The following TGFBI variants were observed in gnomAD, a reference collection of about 807,000 sequenced individuals.
The protein encoded by TGFBI is transforming growth factor beta induced.
TGFBI carries 50 observed loss-of-function variants against 73.7 expected under a neutral mutation model. The observed-to-expected ratio is 0.68, with a 90% confidence interval of 0.54 to 0.86. The LOEUF is 0.86. Ranked by LOEUF, TGFBI falls within the 40% of genes least tolerant of loss-of-function variation. The probability of loss-of-function intolerance (pLI) is 0.00; values close to 1 mark genes in which losing one functional copy is unlikely to be tolerated. For synonymous variants in TGFBI, 362 were observed against 360.5 expected, an observed-to-expected ratio of 1.00 and a Z score of -0.05; for missense variants, 839 against 877.0, an observed-to-expected ratio of 0.96 and a Z score of 0.55.
intron 14 of TGFBI, chr5:136,061,206 G>T (rs750268973): frequency 2.1e-5 from 12 of 574,218 alleles, no homozygotes; most frequent in African/African-American, 1.5e-4. Context: ...TATTCGCGTG[G>T]ATGCTGTCCG....
chr5:136,040,094 G>A (rs1213461052), intron 2 of TGFBI, among the ~76,000 whole-genome samples: 2 of 152,140 alleles, frequency 1.3e-5, no homozygotes, highest in African/African-American at 2.4e-5. Context: ...GAAGTGCAGT[G>A]GTTGTTTTAA....
intron 10 of TGFBI, 103 bp downstream of exon 10, chr5:136,054,964 A>G: frequency 2.2e-6 from 3 of 1,368,110 alleles, no homozygotes; most frequent in African/African-American, 2.9e-5. Context: ...TTGCATGAGA[A>G]CTGGTTGCTG....
intron 2 of TGFBI, among the ~76,000 whole-genome samples, chr5:136,041,852 C>A (rs1751344695): frequency 1.3e-5 from 2 of 152,150 alleles, no homozygotes; most frequent in Non-Finnish European, 2.9e-5. Flanking sequence ...CCTGGTGAGG[C>A]CACTTGAGCT....
intron 3 of TGFBI, chr5:136,046,029 C>CCAGTGTCCTAATTA: frequency 4.0e-6 from 1 of 249,396 alleles, no homozygotes; most frequent in Non-Finnish European, 7.6e-6. Context: ...ATATCTGTTT[C>CCAGTGTCCTAATTA]CAGTGTCCAT....
chr5:136,039,595 G>A (rs145862660), intron 2 of TGFBI, among the ~76,000 whole-genome samples: 29 of 152,306 alleles, frequency 1.9e-4, no homozygotes, highest in Admixed American at 1.6e-3. Flanking sequence ...CCCCAAGACC[G>A]CTCATCAGAC....
At chr5:136,046,591 C>T (rs930582755) in intron 4 of TGFBI, 96 bp downstream of exon 4, 1 of 1,416,300 alleles carries the variant, frequency 7.1e-7, no homozygotes, top group Non-Finnish European at 9.4e-7. Flanking sequence ...CAGTCATTTC[C>T]TACTGTTTCA....
intron 2 of TGFBI, among the ~76,000 whole-genome samples, chr5:136,035,138 G>C (rs539355939): frequency 6.6e-6 from 1 of 152,314 alleles, no homozygotes; most frequent in East Asian, 1.9e-4. Context: ...CCTGTCCAGG[G>C]CAGGTCCATG....
In TGFBI at chr5:136,055,800, G is replaced by C; in HGVS notation, c.1531G>C (p.Gly511Arg). 6.2e-7 allele frequency: 1 copy of C among 1,609,286 alleles called. No homozygotes were observed. Among genetic ancestry groups the C allele is most frequent in the Non-Finnish European group, 8.5e-7 (1 of 1,176,420 alleles). The stretch of plus-strand genomic sequence containing the variant: ...GGGGACTGTCATGGATGTCCTGAAG[G>C]GAGACAATCGCTTTAGGTAATTAGT... ...PMGTVMDVLK[G>R]DNRFSMLVAA... Residue 511 changes from glycine to arginine, a missense_variant, in exon 11 of 17, where the codon GGA (glycine) becomes CGA (arginine). Physicochemically the swap from Gly to Arg is moderately radical, Grantham distance 125. Transcript: ENST00000442011.
intron 6 of TGFBI, chr5:136,048,410 C>T (rs192657782): frequency 1.3e-5 from 2 of 152,412 alleles, no homozygotes; most frequent in African/African-American, 2.4e-5. Context: ...CTTCTTATAA[C>T]ACATACTTAC....
intron 1 of TGFBI, among the ~76,000 whole-genome samples, chr5:136,029,403 C>T (rs1316532862): frequency 6.6e-6 from 1 of 152,172 alleles, no homozygotes; most frequent in East Asian, 1.9e-4. Flanking sequence ...GGGAGGCCGC[C>T]GCTTTGTAGA....
At chr5:136,061,268 G>T (rs1751742985) in intron 14 of TGFBI, 3 of 587,454 alleles carry the variant, frequency 5.1e-6, no homozygotes, top group South Asian at 2.0e-5. Context: ...TATGTTCCTT[G>T]CCTCCAGTGC....
rs891823703 is a variant in TGFBI at position 136,041,509 on chromosome 5, T to C, written c.234-2549T>C. On this transcript the variant is annotated intron_variant, in intron 2 of 16. Transcript: ENST00000442011. Reference sequence around the variant, plus strand: ...TGTCAGACTTTCCAAATCTGTCTGCTATCCTCCAAACGTGCATTTTCAAGA... The same window carrying C: ...TGTCAGACTTTCCAAATCTGTCTGCCATCCTCCAAACGTGCATTTTCAAGA... 3.9e-5 allele frequency among the ~76,000 whole-genome samples: 6 copies of C among 152,336 alleles called. No homozygotes were observed. In the South Asian group the frequency reaches 1.0e-3, roughly 26 times the overall value.
At position 136,053,410 on chromosome 5, in the gene TGFBI, G is replaced by A. The variant is rs77731971; in HGVS notation, c.1126+291G>A. The stretch of plus-strand genomic sequence containing the variant: ...CTGCCTGCTGTGCATGGGCAAAGAG[G>A]GCCACTTGCTGACCTCAGAGCATGT... On this transcript the variant is annotated intron_variant, in intron 8 of 16. Coordinates refer to ENST00000442011, the MANE Select transcript of TGFBI (RefSeq NM_000358.3). Among the ~76,000 whole-genome samples, 511 of 152,296 alleles carry A rather than the reference G, an allele frequency of 3.4e-3. 4 individuals carry two copies. The highest frequency in any genetic ancestry group is 0.012 in the African/African-American group (484 of 41,558).
intron 2 of TGFBI, among the ~76,000 whole-genome samples, chr5:136,035,203 A>C (rs1751191637): frequency 6.6e-6 from 1 of 152,216 alleles, no homozygotes; most frequent in South Asian, 2.1e-4. Context: ...AAGTTGAGTG[A>C]GCTAGGAGGA....
At chr5:136,061,201 G>T in intron 14 of TGFBI, 1 of 573,110 alleles carries the variant, frequency 1.7e-6, no homozygotes, top group South Asian at 2.2e-5. Context: ...TTCTGTATTC[G>T]CGTGGATGCT....
chr5:136,057,656 C>T (rs1474061329), intron 12 of TGFBI, among the ~76,000 whole-genome samples: 1 of 151,828 alleles, frequency 6.6e-6, no homozygotes, highest in Non-Finnish European at 1.5e-5. Flanking sequence ...AAAGATGAGA[C>T]CAAGGAAAAG....
chr5:136,049,820 G>A, intron 7 of TGFBI: 1 of 469,128 alleles, frequency 2.1e-6, no homozygotes, highest in Non-Finnish European at 3.8e-6. Context: ...CTGGACTGAA[G>A]AGAGGCATAG....
rs1751703165 is a variant in TGFBI at position 136,059,176 on chromosome 5, C to CT, written c.1766dup (p.Ser591ValfsTer5). On this transcript the variant is annotated frameshift_variant, in exon 13 of 17. Transcript: ENST00000442011. LOFTEE classifies it high-confidence loss of function. ...CGGAGGCATCGGGGCCCTGGTGCGG[C>CT]TAAAGTCTCTCCAAGGTGACAAGCT... The CT allele has an allele frequency of 6.2e-7, 1 of 1,610,330 alleles. No individual in the cohort carries two copies. Among genetic ancestry groups the CT allele is most frequent in the South Asian group, 1.1e-5 (1 of 89,858 alleles).
Position 136,052,907 on chromosome 5 carries a change from A to T in TGFBI, c.914A>T (p.Asp305Val). 6.2e-7 allele frequency: 1 copy of T among 1,613,544 alleles called. No individual in the cohort carries two copies. Among genetic ancestry groups the T allele is most frequent in the Non-Finnish European group, 8.5e-7 (1 of 1,179,512 alleles). Reference protein sequence around the residue: ...RILGDPEALRDLLNNHILKSA... With the variant: ...RILGDPEALRVLLNNHILKSA... ...TGACCTGAGTCTGTTTGGACCCCAG[A>T]CCTGCTGAACAACCACATCTTGAAG... Residue 305 changes from aspartate to valine, a missense_variant and splice_region_variant, in exon 8 of 17, where the codon GAC becomes GTC. Coordinates refer to ENST00000442011, the MANE Select transcript of TGFBI (RefSeq NM_000358.3).
Sources: gnomAD v4.1 joint callset for allele counts (sites outside exome capture counted in the v4.1 genomes callset) on GRCh38, gnomAD v4.1.1 for gene constraint, MANE v1.5 for transcripts, NCBI Gene and HGNC (gene_info 2026-07-23, HGNC 2026-07-21) for gene names.